Variants in WDR88 observed in about 807,000 individuals in gnomAD.
WDR88 encodes the protein WD repeat-containing protein 88.
WDR88 carries 40 observed loss-of-function variants against 46.8 expected under a neutral mutation model. The ratio of observed to expected loss-of-function variants is 0.86; its 90% CI spans 0.66 to 1.11. The LOEUF (loss-of-function observed/expected upper bound fraction) is 1.11. Among genes scored for constraint, WDR88 ranks in the 50% most tolerant of loss-of-function variants. The probability of loss-of-function intolerance (pLI) is 0.00; values close to 1 mark genes in which losing one functional copy is unlikely to be tolerated. For missense variants in WDR88, 562 were observed against 602.4 expected, an observed-to-expected ratio of 0.93 and a Z score of 0.70; for synonymous variants, 235 against 240.7, an observed-to-expected ratio of 0.98 and a Z score of 0.22.
chr19:33,151,160 C>T (rs1973625847), intron 5 of WDR88, 21 bp from the exon 6 acceptor site: 3 of 1,609,268 alleles, frequency 1.9e-6, no homozygotes, highest in Non-Finnish European at 2.5e-6. Context: ...GTCTCAAGTC[C>T]CTTTCCTCCG....
chr19:33,148,367 A>C (rs1424581370), intron 4 of WDR88, among the ~76,000 whole-genome samples: 1 of 152,030 alleles, frequency 6.6e-6, no homozygotes, highest in Admixed American at 6.6e-5. Context: ...TGTTAGTGCA[A>C]AGGTCAGTTT....
intron 9 of WDR88, among the ~76,000 whole-genome samples, chr19:33,168,947 C>T (rs916528475): frequency 3.3e-5 from 5 of 152,040 alleles, no homozygotes; most frequent in Admixed American, 6.6e-5. Context: ...ATAGAAAGCC[C>T]AGAAATAAGG....
chr19:33,170,281 G>A (rs1351474829), intron 9 of WDR88, among the ~76,000 whole-genome samples: 2 of 152,170 alleles, frequency 1.3e-5, no homozygotes, highest in East Asian at 1.9e-4. Flanking sequence ...GGGCTTAGGC[G>A]ATCCTCCCGC....
At chr19:33,169,700 A>G (rs781197348) in intron 9 of WDR88, among the ~76,000 whole-genome samples, 6 of 148,852 alleles carry the variant, frequency 4.0e-5, no homozygotes, top group Admixed American at 1.4e-4. Context: ...GATTTTACTT[A>G]CTGGCAACAA....
In WDR88 at chr19:33,151,320, AC is replaced by A; in HGVS notation, c.809+14del. 1 of 1,610,458 alleles carries A rather than the reference AC, an allele frequency of 6.2e-7. No individual in the cohort carries two copies. ...TGCTCACCATCACTAAGTGAGTTGGACCCCAGGAGGCCAGAAGGGAGTTTGG... is the reference window on the plus strand; with the variant it reads ...TGCTCACCATCACTAAGTGAGTTGGACCCAGGAGGCCAGAAGGGAGTTTGG... On this transcript the variant is annotated intron_variant, in intron 6 of 10. Coordinates refer to ENST00000355868, the MANE Select transcript of WDR88 (RefSeq NM_173479.4).
intron 8 of WDR88, among the ~76,000 whole-genome samples, chr19:33,161,566 C>G (rs1309747554): frequency 6.6e-6 from 1 of 152,162 alleles, no homozygotes; most frequent in Non-Finnish European, 1.5e-5. Flanking sequence ...GTCCCTGGGG[C>G]TGGTCTATCT....
At chr19:33,151,755 C>T (rs1973638248) in intron 6 of WDR88, among the ~76,000 whole-genome samples, 1 of 152,052 alleles carries the variant, frequency 6.6e-6, no homozygotes, top group African/African-American at 2.4e-5. Flanking sequence ...TGTCACACAC[C>T]TGTAGTCCCA....
chr19:33,154,524 AG>A (rs1427783906), intron 6 of WDR88, among the ~76,000 whole-genome samples: 10 of 152,166 alleles, frequency 6.6e-5, no homozygotes, highest in Non-Finnish European at 1.3e-4. Flanking sequence ...GTCCCTGCAA[AG>A]GACATGATCT....
At chr19:33,159,856 C>T (rs1973833993) in intron 7 of WDR88, among the ~76,000 whole-genome samples, 1 of 151,824 alleles carries the variant, frequency 6.6e-6, no homozygotes, top group African/African-American at 2.4e-5. Flanking sequence ...AATAATTATA[C>T]AAGTCAGCAT....
At chr19:33,169,666 C>CAAA (rs33941385) in intron 9 of WDR88, among the ~76,000 whole-genome samples, 5 of 81,728 alleles carry the variant, frequency 6.1e-5, no homozygotes, top group East Asian at 3.6e-4. Context: ...GACCCAGTCT[C>CAAA]AAAAAAAAAA....
At position 33,175,265 on chromosome 19, in the gene WDR88, C is replaced by A. The variant is rs199686828; in HGVS notation, c.1243-131C>A. The A allele has an allele frequency of 3.2e-5, 30 of 951,828 alleles. 1 individual carries two copies. The highest frequency in any genetic ancestry group is 2.3e-4 in the African/African-American group (11 of 48,624). 59.0% of individuals were successfully genotyped at this position (951,828 alleles called of 1,614,324 possible). The stretch of plus-strand genomic sequence containing the variant: ...CAAAAACAAAAACAAACAAACAAAC[C>A]AAAAAGAGATTCCAGAGAGGGGAAC... On this transcript the variant is annotated intron_variant, in intron 10 of 10. Transcript: ENST00000355868.
rs754265385 is a variant in WDR88 at position 33,144,944 on chromosome 19, C to A, written c.476+12C>A. The A allele has an allele frequency of 8.1e-5, 131 of 1,611,038 alleles. No homozygotes were observed. The highest frequency in any genetic ancestry group is 1.1e-4 in the Non-Finnish European group (128 of 1,178,452). On this transcript the variant is annotated intron_variant, in intron 3 of 10. Coordinates refer to ENST00000355868, the MANE Select transcript of WDR88 (RefSeq NM_173479.4). ...GGCGACAGCAGCAGGTGACCTTTCC[C>A]TCGTCTTACACTGGGAAGAGGGAGG...
At chr19:33,150,262 G>A (rs1160250168) in intron 5 of WDR88, among the ~76,000 whole-genome samples, 1 of 151,918 alleles carries the variant, frequency 6.6e-6, no homozygotes, top group Non-Finnish European at 1.5e-5. Context: ...GACCAGCCTG[G>A]CCAACATGGT....
chr19:33,151,706 C>G (rs1973637293), intron 6 of WDR88, among the ~76,000 whole-genome samples: 1 of 151,880 alleles, frequency 6.6e-6, no homozygotes, highest in Non-Finnish European at 1.5e-5. Context: ...GTCACAAGAC[C>G]CCATCTCTAC....
At position 33,133,157 on chromosome 19, in the gene WDR88, GAATAAATAAATA is replaced by G. The variant is rs375517673; in HGVS notation, c.276+741_276+752del. On this transcript the variant is annotated intron_variant, in intron 1 of 10. Coordinates refer to ENST00000355868, the MANE Select transcript of WDR88 (RefSeq NM_173479.4). The stretch of plus-strand genomic sequence containing the variant: ...GGGCAACAGAGCGAGACTGTCTCCA[GAATAAATAAATA>G]AATAAATAAATAAATAAATAAATAA... 1.7e-4 allele frequency among the ~76,000 whole-genome samples: 18 copies of G among 105,782 alleles called. No individual in the cohort carries two copies. The East Asian group carries it at 1.9e-3, about 11-fold the overall frequency. 69.4% of individuals were successfully genotyped at this position (105,782 alleles called of 152,430 possible).
chr19:33,132,158 C>G lies in WDR88; in HGVS notation c.-12C>G, dbSNP rs756458199. ...AGGCTTGTCGGCGGCCACCGGCGGA[C>G]CGGGCTTCGAGATGGCCTCCCCGCC... On this transcript the variant is annotated 5_prime_UTR_variant, in exon 1 of 11. Transcript: ENST00000355868. 2.6e-5 allele frequency: 41 copies of G among 1,576,056 alleles called. No homozygotes were observed. In the African/African-American group the frequency reaches 4.7e-4, roughly 18 times the overall value.
rs1973628762 is a variant in WDR88, at chr19:33,151,273, G to C, written c.772G>C (p.Asp258His). The change falls in exon 6 of 11, where the codon GAT (aspartate) becomes CAT (histidine). Residue 258 changes from aspartate (D) to histidine (H), a missense_variant. Asp to His is a moderately conservative substitution (Grantham distance 81, BLOSUM62 -1). Transcript: ENST00000355868. ...ATTGGACAGGTGCATCAAGATCTGG[G>C]ATGTTACATCCCAGGCCACGCTGCT... is the stretch of plus-strand genomic sequence containing the variant. Reference protein sequence around the residue: ...VSLDRCIKIWDVTSQATLLTI... With the variant: ...VSLDRCIKIWHVTSQATLLTI... The C allele has an allele frequency of 6.2e-7, 1 of 1,613,494 alleles. No homozygotes were observed. Among genetic ancestry groups the C allele is most frequent in the Non-Finnish European group, 8.5e-7 (1 of 1,179,894 alleles).
At chr19:33,147,595 C>T (rs1568362978) in intron 3 of WDR88, 50 bp from the exon 4 acceptor site, 1 of 1,584,770 alleles carries the variant, frequency 6.3e-7, no homozygotes, top group South Asian at 1.1e-5. Flanking sequence ...AGAAAGACAC[C>T]CTGTCTCAAA....
At chr19:33,165,287 G>GA (rs933159965) in intron 9 of WDR88, among the ~76,000 whole-genome samples, 1 of 152,016 alleles carries the variant, frequency 6.6e-6, no homozygotes, top group African/African-American at 2.4e-5. Flanking sequence ...CTAAATCCAG[G>GA]AGACTGTGGG....
Sources: gnomAD v4.1 joint callset for allele counts (sites outside exome capture counted in the v4.1 genomes callset) on GRCh38, gnomAD v4.1.1 for gene constraint, MANE v1.5 for transcripts, NCBI Gene and HGNC (gene_info 2026-07-23, HGNC 2026-07-21) for gene names.